Variants in LIN28B observed in about 807,000 individuals in gnomAD.
LIN28B encodes the protein protein lin-28 homolog B.
A neutral mutation model predicts 21.9 loss-of-function variants in LIN28B; 5 were observed. The observed-to-expected ratio is 0.23, with a 90% CI of 0.12 to 0.48. LIN28B has a LOEUF of 0.48. Ranked by LOEUF, LIN28B falls within the 20% of genes least tolerant of loss-of-function variation. LIN28B has a pLI of 0.98. For missense variants in LIN28B, 245 were observed against 310.5 expected (o/e 0.79, Z 1.58); for synonymous variants, 109 against 111.3 (o/e 0.98, Z 0.13).
intron 3 of LIN28B, among the ~76,000 whole-genome samples, chr6:105,050,910 A>G (rs1582919856): frequency 6.6e-6 from 1 of 151,574 alleles, no homozygotes; most frequent in Non-Finnish European, 1.5e-5. Flanking sequence ...TGTTTTACAA[A>G]TGATGCTTTA....
At chr6:104,998,232 CA>C (rs1260263730) in intron 2 of LIN28B, among the ~76,000 whole-genome samples, 1 of 152,084 alleles carries the variant, frequency 6.6e-6, no homozygotes. Context: ...AAGTTCATTG[CA>C]GTAAAATTTA....
At chr6:105,005,249 A>G (rs529952087) in intron 2 of LIN28B, among the ~76,000 whole-genome samples, 1 of 151,846 alleles carries the variant, frequency 6.6e-6, no homozygotes, top group Non-Finnish European at 1.5e-5. Context: ...TCTTCCAATA[A>G]GTTTTTAGGG....
intron 3 of LIN28B, among the ~76,000 whole-genome samples, chr6:105,069,570 T>A (rs221632): frequency 0.92 from 138,556 of 150,872 alleles, 63,588 homozygotes; most frequent in East Asian, 0.97. Context: ...ACAAAAAATT[T>A]AAAAAAAAAA....
At chr6:104,938,217 C>G (rs981067214) in intron 2 of LIN28B, among the ~76,000 whole-genome samples, 5 of 152,010 alleles carry the variant, frequency 3.3e-5, no homozygotes, top group Admixed American at 6.6e-5. Flanking sequence ...GTACACCAGC[C>G]TTGGCAACAG....
At chr6:105,004,960 AC>A (rs1020464995) in intron 2 of LIN28B, among the ~76,000 whole-genome samples, 2 of 152,006 alleles carry the variant, frequency 1.3e-5, no homozygotes, top group African/African-American at 4.8e-5. Context: ...TTTCTTCTTT[AC>A]CATTTTTAGA....
In LIN28B at chr6:104,999,925, G is replaced by A. The variant is rs145727401; in HGVS notation, c.199-26373G>A. ...GAACTCCCAACCTTAGGTGTGATCC[G>A]CCTGCCTCGGCCTCCCAAAGTGCTG... On this transcript the variant is annotated intron_variant, in intron 2 of 3. Coordinates refer to ENST00000345080, the MANE Select transcript of LIN28B (RefSeq NM_001004317.4). 2.1e-3 allele frequency among the ~76,000 whole-genome samples: 313 copies of A among 152,122 alleles called. 1 individual carries two copies. Among genetic ancestry groups the A allele is most frequent in the African/African-American group, 7.2e-3 (299 of 41,508 alleles).
chr6:104,983,539 A>G (rs147090756), intron 2 of LIN28B, among the ~76,000 whole-genome samples: 1 of 152,258 alleles, frequency 6.6e-6, no homozygotes, highest in Non-Finnish European at 1.5e-5. Context: ...ATCTTGGACA[A>G]ATCTTGGTGT....
intron 2 of LIN28B, among the ~76,000 whole-genome samples, chr6:104,986,532 CAA>C (rs71003463): frequency 0.54 from 75,374 of 139,726 alleles, 19,872 homozygotes; most frequent in East Asian, 0.68. Context: ...TCATTTCTAC[CAA>C]AAAAAAAAAA....
chr6:104,971,360 A>G (rs1232637690), intron 2 of LIN28B, among the ~76,000 whole-genome samples: 1 of 152,118 alleles, frequency 6.6e-6, no homozygotes, highest in Non-Finnish European at 1.5e-5. Flanking sequence ...AGTCTTATAG[A>G]TCTTAAAAGA....
At chr6:105,023,597 A>ATATTTTATG (rs1771215313) in intron 2 of LIN28B, among the ~76,000 whole-genome samples, 1 of 62,478 alleles carries the variant, frequency 1.6e-5, no homozygotes, top group African/African-American at 6.7e-5. Context: ...TATATATTAT[A>ATATTTTATG]TATATAAAAT....
chr6:104,948,360 G>A (rs1167321978), intron 2 of LIN28B, among the ~76,000 whole-genome samples: 3 of 152,214 alleles, frequency 2.0e-5, no homozygotes, highest in East Asian at 3.9e-4. Flanking sequence ...CCAGCTACTC[G>A]GGAGGCCGAG....
chr6:104,977,156 G>C (rs1286659506), intron 2 of LIN28B, among the ~76,000 whole-genome samples: 4 of 151,974 alleles, frequency 2.6e-5, no homozygotes, highest in South Asian at 4.2e-4. Flanking sequence ...AGCCTCCTGA[G>C]TGAATCCACT....
At chr6:104,937,420 G>A (rs1231846923) in intron 2 of LIN28B, among the ~76,000 whole-genome samples, 17 of 152,042 alleles carry the variant, frequency 1.1e-4, no homozygotes, top group Non-Finnish European at 2.4e-4. Context: ...GACTACAGGC[G>A]CCCGCCACCA....
intron 3 of LIN28B, among the ~76,000 whole-genome samples, chr6:105,054,576 T>C (rs1194261962): frequency 6.6e-6 from 1 of 152,214 alleles, no homozygotes; most frequent in African/African-American, 2.4e-5. Flanking sequence ...CATTAGGGGA[T>C]AATGAAAATA....
In LIN28B at chr6:105,026,413, G is replaced by T. The variant is rs754925635; in HGVS notation, c.314G>T (p.Ser105Ile). 6.2e-7 allele frequency: 1 copy of T among 1,611,584 alleles called. No homozygotes were observed. Among genetic ancestry groups the T allele is most frequent in the Non-Finnish European group, 8.5e-7 (1 of 1,178,758 alleles). ...ATACGGGTAACAGGACCTGGTGGGA[G>T]CCCCTGTTTAGGAAGTGAAAGAAGA... ...ESIRVTGPGG[S>I]PCLGSERRPK... is the part of the protein sequence containing the mutation. The change falls in exon 3 of 4, where the codon AGC becomes ATC. Residue 105 changes from serine (S) to isoleucine (I), a missense_variant. Physicochemically the swap from Ser to Ile is moderately radical, Grantham distance 142 (BLOSUM62 -2). Transcript: ENST00000345080.
In LIN28B at chr6:105,080,814, T is replaced by C. The variant is rs182338551; in HGVS notation, c.*2031T>C. ...ATAATAAGCAGGTTAACAGTAAAAA[T>C]GCAAAACATGATAGATAAGTCACTT... On this transcript the variant is annotated 3_prime_UTR_variant, in exon 4 of 4. Coordinates refer to ENST00000345080, the MANE Select transcript of LIN28B (RefSeq NM_001004317.4). 14 of 152,686 alleles carry C rather than the reference T, an allele frequency of 9.2e-5. No homozygotes were observed. The East Asian group carries it at 2.5e-3, about 27-fold the overall frequency. 9.5% of individuals were successfully genotyped at this position (152,686 alleles called of 1,614,324 possible). A position where few individuals can be genotyped will look rare whatever the true frequency, so the allele number is the denominator to read the frequency against.
intron 2 of LIN28B, among the ~76,000 whole-genome samples, chr6:104,984,108 C>A (rs1042702487): frequency 6.6e-6 from 1 of 152,130 alleles, no homozygotes; most frequent in South Asian, 2.1e-4. Context: ...GAAGACCACA[C>A]CTTTTATTCT....
At chr6:105,069,934 C>T (rs1293022589) in intron 3 of LIN28B, among the ~76,000 whole-genome samples, 1 of 152,056 alleles carries the variant, frequency 6.6e-6, no homozygotes, top group East Asian at 1.9e-4. Context: ...TATACACACA[C>T]TTCTTCCCTC....
At chr6:104,950,421 G>A (rs1778207630) in intron 2 of LIN28B, 2 of 1,088,192 alleles carry the variant, frequency 1.8e-6, no homozygotes, top group Admixed American at 4.3e-5. Flanking sequence ...CAATTAAATA[G>A]GCAATTAATG....
Sources: allele counts gnomAD v4.1 joint callset (sites outside exome capture counted in the v4.1 genomes callset), GRCh38; gene constraint gnomAD v4.1.1; transcripts MANE v1.5; gene names NCBI Gene and HGNC (gene_info 2026-07-23, HGNC 2026-07-21).